The following LMTK2 variants were observed in gnomAD, a reference collection of about 807,000 sequenced individuals.
LMTK2 encodes lemur tail kinase 2.
LMTK2 carries 37 observed loss-of-function variants against 127.5 expected under a neutral mutation model. The ratio of observed to expected loss-of-function variants is 0.29; its 90% CI spans 0.22 to 0.38. The LOEUF is 0.38. Ranked by LOEUF, LMTK2 falls within the 10% of genes least tolerant of loss-of-function variation. The pLI is 1.00. For synonymous variants in LMTK2, 819 were observed against 810.1 expected (o/e 1.01, Z -0.19); for missense variants, 1,694 against 1,920.3 (o/e 0.88, Z 2.20).
Position 98,206,796 on chromosome 7 carries a change from G to A in LMTK2, c.*1304G>A, listed in dbSNP as rs540044973. The A allele has an allele frequency of 1.3e-5, 2 of 152,318 alleles. No individual in the cohort carries two copies. Among genetic ancestry groups the A allele is most frequent in the South Asian group, 4.1e-4 (2 of 4,826 alleles). 9.4% of individuals were successfully genotyped at this position (152,318 alleles called of 1,614,324 possible). A position where few individuals can be genotyped will look rare whatever the true frequency, so the allele number is the denominator to read the frequency against. Reference sequence around the variant, plus strand: ...GCCTGGCCAGTCTGTGGTTATCCATGTGGGATGAGATAACACCACATCCTG... The same window carrying A: ...GCCTGGCCAGTCTGTGGTTATCCATATGGGATGAGATAACACCACATCCTG... On this transcript the variant is annotated 3_prime_UTR_variant, in exon 14 of 14. Transcript: ENST00000297293.
chr7:98,140,159 T>G (rs1291273942), intron 2 of LMTK2, among the ~76,000 whole-genome samples: 457 of 5,564 alleles, frequency 0.082, 97 homozygotes, highest in East Asian at 0.27. Flanking sequence ...TTTCTTTTCT[T>G]TTCTTTTCTT....
chr7:98,132,375 C>T (rs754032872), intron 1 of LMTK2, among the ~76,000 whole-genome samples: 5 of 152,198 alleles, frequency 3.3e-5, no homozygotes, highest in East Asian at 1.9e-4. Flanking sequence ...CTCAGCCTCC[C>T]GAGTAGCTGG....
intron 7 of LMTK2, among the ~76,000 whole-genome samples, chr7:98,181,558 A>G (rs1162759095): frequency 1.3e-5 from 2 of 152,392 alleles, no homozygotes; most frequent in South Asian, 2.1e-4. Context: ...AGCTACAGTA[A>G]TCAAAACAGT....
chr7:98,147,099 A>AATTGGTTG (rs1796785138), intron 3 of LMTK2, among the ~76,000 whole-genome samples: 1 of 152,170 alleles, frequency 6.6e-6, no homozygotes, highest in Non-Finnish European at 1.5e-5. Context: ...TCTTTTGAGT[A>AATTGGTTG]ATTGGTTGTT....
At position 98,108,201 on chromosome 7, in the gene LMTK2, A is replaced by G. The variant is rs573519641; in HGVS notation, c.103+921A>G. ...CTTTACGTAGTAGGAGATACTGGGC[A>G]TGTTGGGTCAAATGACCTACCCAGG... On this transcript the variant is annotated intron_variant, in intron 1 of 13. Coordinates refer to ENST00000297293, the MANE Select transcript of LMTK2 (RefSeq NM_014916.4). Among the ~76,000 whole-genome samples the G allele has an allele frequency of 3.3e-5, 5 of 152,344 alleles. No individual in the cohort carries two copies. In the South Asian group the frequency reaches 8.3e-4, roughly 25 times the overall value.
intron 7 of LMTK2, among the ~76,000 whole-genome samples, chr7:98,175,002 C>T (rs1797254538): frequency 6.6e-6 from 1 of 152,190 alleles, no homozygotes; most frequent in Admixed American, 6.5e-5. Context: ...ATTTGATCGT[C>T]AGGGCCACCC....
intron 8 of LMTK2, 71 bp from the exon 9 acceptor site, chr7:98,186,806 T>C (rs1797443022): frequency 7.2e-7 from 1 of 1,383,606 alleles, no homozygotes; most frequent in East Asian, 2.3e-5. Context: ...GAGAATACCA[T>C]GGATTTAAAT....
chr7:98,187,687 T>C (rs1479452386), intron 9 of LMTK2, among the ~76,000 whole-genome samples: 1 of 148,384 alleles, frequency 6.7e-6, no homozygotes, highest in Non-Finnish European at 1.5e-5. Context: ...CACGGCTCAC[T>C]GCAGTGTCCA....
intron 7 of LMTK2, among the ~76,000 whole-genome samples, chr7:98,178,859 T>C (rs1426207468): frequency 2.6e-5 from 4 of 152,174 alleles, no homozygotes; most frequent in Non-Finnish European, 5.9e-5. Context: ...AAGTGCAACC[T>C]GTTGTTTCGT....
At chr7:98,180,680 T>G (rs1797342401) in intron 7 of LMTK2, among the ~76,000 whole-genome samples, 1 of 152,202 alleles carries the variant, frequency 6.6e-6, no homozygotes, top group South Asian at 2.1e-4. Flanking sequence ...TGCATATCTT[T>G]GAGAAAGGGG....
intron 1 of LMTK2, among the ~76,000 whole-genome samples, chr7:98,116,149 C>T (rs1011314917): frequency 1.3e-5 from 2 of 152,186 alleles, no homozygotes; most frequent in African/African-American, 2.4e-5. Flanking sequence ...TGGCTTCGGC[C>T]TCCCACGGTG....
At chr7:98,177,345 G>A (rs1036455735) in intron 7 of LMTK2, among the ~76,000 whole-genome samples, 1 of 152,106 alleles carries the variant, frequency 6.6e-6, no homozygotes, top group African/African-American at 2.4e-5. Flanking sequence ...AAAGACACAG[G>A]ACTGTATGAA....
rs748472458 is a variant in LMTK2, at chr7:98,205,459, A to T, written c.4484-5A>T. 6.2e-7 allele frequency: 1 copy of T among 1,613,716 alleles called. No homozygotes were observed. On this transcript the variant is annotated splice_region_variant and splice_polypyrimidine_tract_variant and intron_variant, in intron 13 of 13. Coordinates refer to ENST00000297293, the MANE Select transcript of LMTK2 (RefSeq NM_014916.4). ...TTGTCGTCTCGCTTCCTCTCTCCTC[A>T]ACAGGAAGCAGCGAAGACGGAGAAA...
rs1797601225 is a variant in LMTK2 at position 98,194,733 on chromosome 7, T to C, written c.4107+161T>C. 6.6e-6 allele frequency among the ~76,000 whole-genome samples: 1 copy of C among 152,244 alleles called. No homozygotes were observed. The highest frequency in any genetic ancestry group is 2.1e-4 in the South Asian group (1 of 4,834). On this transcript the variant is annotated intron_variant, in intron 11 of 13. Transcript: ENST00000297293. This position sits in a 1 kb window ranked among gnomAD's most constrained non-coding sequence, Gnocchi z 5.4. ...GGGGTTGGTTAGAGTTCTAAGAATA[T>C]GCAGAAATGTCATTTGCTCAGGGAG...
At chr7:98,131,501 A>T (rs949659658) in intron 1 of LMTK2, among the ~76,000 whole-genome samples, 1 of 151,552 alleles carries the variant, frequency 6.6e-6, no homozygotes, top group African/African-American at 2.4e-5. Flanking sequence ...TTTCCTATAC[A>T]TTGACATTTG....
intron 6 of LMTK2, among the ~76,000 whole-genome samples, chr7:98,170,919 T>G (rs994362738): frequency 6.6e-6 from 1 of 152,194 alleles, no homozygotes; most frequent in Non-Finnish European, 1.5e-5. Flanking sequence ...GTTGCTCCCC[T>G]TTGAAGAGTA....
intron 5 of LMTK2, among the ~76,000 whole-genome samples, chr7:98,156,421 C>T (rs185495754): frequency 2.6e-5 from 4 of 151,640 alleles, no homozygotes; most frequent in East Asian, 1.9e-4. Context: ...GCCGAGATCA[C>T]GCCACTGCAC....
intron 4 of LMTK2, among the ~76,000 whole-genome samples, chr7:98,151,996 C>T (rs780584249): frequency 1.3e-5 from 2 of 152,132 alleles, no homozygotes; most frequent in Non-Finnish European, 2.9e-5. Context: ...AAAAAAGTAT[C>T]TGAGACTTTT....
At chr7:98,123,252 T>C (rs1796393684) in intron 1 of LMTK2, among the ~76,000 whole-genome samples, 2 of 152,226 alleles carry the variant, frequency 1.3e-5, no homozygotes, top group African/African-American at 4.8e-5. Context: ...CACACATACG[T>C]GCATTCACCC....
Sources: allele counts gnomAD v4.1 joint callset (sites outside exome capture counted in the v4.1 genomes callset), GRCh38; gene constraint gnomAD v4.1.1; non-coding constraint Gnocchi (gnomAD v3.1); transcripts MANE v1.5; gene names NCBI Gene and HGNC (gene_info 2026-07-23, HGNC 2026-07-21).